Variants in ABLIM1 observed in about 807,000 individuals in gnomAD.
ABLIM1 encodes the protein actin binding LIM protein 1, also known as actin-binding LIM protein 1.
ABLIM1 carries 40 observed loss-of-function variants against 107.0 expected under a neutral mutation model. The observed-to-expected ratio is 0.37, with a 90% CI of 0.29 to 0.49. ABLIM1 has a LOEUF of 0.49. ABLIM1 is among the 20% of genes least tolerant of loss of function. The pLI is 0.97. For synonymous variants in ABLIM1, 357 were observed against 357.3 expected, an observed-to-expected ratio of 1.00 and a Z score of 0.01; for missense variants, 857 against 1,008.5, an observed-to-expected ratio of 0.85 and a Z score of 2.04.
chr10:114,514,810 C>T (rs933376694), intron 6 of ABLIM1, among the ~76,000 whole-genome samples: 1 of 152,186 alleles, frequency 6.6e-6, no homozygotes, highest in Non-Finnish European at 1.5e-5. Flanking sequence ...TATTTCTACA[C>T]TACTGTGATT....
intron 4 of ABLIM1, among the ~76,000 whole-genome samples, chr10:114,562,634 G>A (rs2483558): frequency 0.35 from 53,811 of 152,114 alleles, 12,052 homozygotes; most frequent in African/African-American, 0.63. Context: ...ACACTTGTGA[G>A]ATGAGAAAAT....
chr10:114,547,851 C>T, intron 4 of ABLIM1, 75 bp from the exon 5 acceptor site: 1 of 1,550,810 alleles, frequency 6.4e-7, no homozygotes, highest in Non-Finnish European at 8.7e-7. Context: ...AATTTCAACC[C>T]CACTGTGTGC....
chr10:114,509,648 C>T (rs1166830430), intron 6 of ABLIM1, among the ~76,000 whole-genome samples: 1 of 152,196 alleles, frequency 6.6e-6, no homozygotes, highest in Non-Finnish European at 1.5e-5. Flanking sequence ...GTTTTCTAAC[C>T]TTGGCATTCA....
intron 1 of ABLIM1, among the ~76,000 whole-genome samples, chr10:114,667,300 G>A (rs563964099): frequency 6.6e-6 from 1 of 152,260 alleles, no homozygotes; most frequent in African/African-American, 2.4e-5. Context: ...CACTGCAAAA[G>A]TGACCATGTA....
chr10:114,704,335 T>TATATCTCTCACG (rs3061769), intron 1 of ABLIM1, among the ~76,000 whole-genome samples: 1 of 83,388 alleles, frequency 1.2e-5, no homozygotes, highest in Non-Finnish European at 2.5e-5. Flanking sequence ...TATATATATA[T>TATATCTCTCACG]TGCGCGCGTT....
intron 1 of ABLIM1, among the ~76,000 whole-genome samples, chr10:114,728,822 T>C (rs559069993): frequency 6.6e-6 from 1 of 152,260 alleles, no homozygotes; most frequent in South Asian, 2.1e-4. Context: ...ATTTTATTTC[T>C]TAAAACAATC....
chr10:114,787,804 C>T, the ABLIM1 span, among the ~76,000 whole-genome samples: 4 of 143,370 alleles, frequency 2.8e-5, no homozygotes, highest in South Asian at 2.4e-4. Context: ...CCCCTCTGCC[C>T]GGCCACGACC....
intron 6 of ABLIM1, among the ~76,000 whole-genome samples, chr10:114,515,143 A>C (rs1305487044): frequency 6.6e-6 from 1 of 152,226 alleles, no homozygotes; most frequent in Non-Finnish European, 1.5e-5. Flanking sequence ...CGTGACTGCA[A>C]TGCTGCATTC....
intron 6 of ABLIM1, among the ~76,000 whole-genome samples, chr10:114,522,223 C>A (rs1590867127): frequency 6.6e-6 from 1 of 152,146 alleles, no homozygotes; most frequent in African/African-American, 2.4e-5. Context: ...GGTTTAAAGG[C>A]AAAACAAAAA....
At chr10:114,602,903 A>AG (rs2076131425) in intron 1 of ABLIM1, among the ~76,000 whole-genome samples, 1 of 152,206 alleles carries the variant, frequency 6.6e-6, no homozygotes, top group African/African-American at 2.4e-5. Flanking sequence ...GAAGGCAGTG[A>AG]GGGGACACTT....
chr10:114,722,558 A>G (rs895104319), intron 1 of ABLIM1, among the ~76,000 whole-genome samples: 2 of 152,270 alleles, frequency 1.3e-5, no homozygotes, highest in Non-Finnish European at 1.5e-5. Flanking sequence ...CATTGTCTTC[A>G]TTTGCCCTGT....
chr10:114,533,336 G>A (rs1438244613), intron 6 of ABLIM1, among the ~76,000 whole-genome samples: 1 of 151,826 alleles, frequency 6.6e-6, no homozygotes, highest in African/African-American at 2.4e-5. Context: ...GGGAGACTCT[G>A]TCTCAAAAAA....
intron 6 of ABLIM1, among the ~76,000 whole-genome samples, chr10:114,521,069 T>C (rs1353985651): frequency 6.6e-6 from 1 of 152,224 alleles, no homozygotes; most frequent in East Asian, 1.9e-4. Flanking sequence ...CATGTTTATG[T>C]TTATAAATAG....
intron 6 of ABLIM1, among the ~76,000 whole-genome samples, chr10:114,499,321 A>G (rs1032913488): frequency 6.6e-6 from 1 of 152,280 alleles, no homozygotes; most frequent in African/African-American, 2.4e-5. Context: ...AGAGGAAGTT[A>G]AACTATCGAG....
At chr10:114,567,456 T>C in intron 4 of ABLIM1, among the ~76,000 whole-genome samples, 1 of 152,208 alleles carries the variant, frequency 6.6e-6, no homozygotes, top group East Asian at 1.9e-4. Flanking sequence ...CAGTACCTGA[T>C]ATATCATAAG....
At chr10:114,666,649 T>C (rs952476268) in intron 1 of ABLIM1, among the ~76,000 whole-genome samples, 1 of 147,204 alleles carries the variant, frequency 6.8e-6, no homozygotes, top group East Asian at 2.0e-4. Context: ...GGTTACTTCA[T>C]CTGTAAAACA....
At chr10:114,791,839 A>C in the ABLIM1 span, among the ~76,000 whole-genome samples, 1 of 152,192 alleles carries the variant, frequency 6.6e-6, no homozygotes, top group Non-Finnish European at 1.5e-5. Context: ...TACCATCAGA[A>C]AACTTGAGAG....
intron 10 of ABLIM1, among the ~76,000 whole-genome samples, chr10:114,472,597 G>C (rs1484257752): frequency 6.6e-6 from 1 of 151,988 alleles, no homozygotes; most frequent in African/African-American, 2.4e-5. Context: ...CAAAATTTAG[G>C]GGGTGTGTTC....
intron 1 of ABLIM1, among the ~76,000 whole-genome samples, chr10:114,626,880 C>A (rs943289026): frequency 6.6e-6 from 1 of 152,058 alleles, no homozygotes; most frequent in African/African-American, 2.4e-5. Context: ...GGGAGAATGC[C>A]CTGTGAACAT....
Sources: allele counts gnomAD v4.1 joint callset (sites outside exome capture counted in the v4.1 genomes callset), GRCh38; gene constraint gnomAD v4.1.1; transcripts MANE v1.5; gene names NCBI Gene and HGNC (gene_info 2026-07-23, HGNC 2026-07-21).